The following CCBE1 variants were observed in gnomAD, a reference collection of about 807,000 sequenced individuals.
CCBE1 encodes the protein collagen and calcium binding EGF domains 1.
A neutral mutation model predicts 50.0 loss-of-function variants in CCBE1; 37 were observed. The ratio of observed to expected loss-of-function variants is 0.74; its 90% CI spans 0.57 to 0.97. The LOEUF is 0.97. Ranked by LOEUF, CCBE1 falls within the 50% of genes least tolerant of loss-of-function variation. The pLI, the probability that CCBE1 is intolerant of heterozygous loss-of-function variation, is 0.00. For synonymous variants in CCBE1, 234 were observed against 203.7 expected, an observed-to-expected ratio of 1.15 and a Z score of -1.27; for missense variants, 538 against 523.8, an observed-to-expected ratio of 1.03 and a Z score of -0.26.
chr18:59,517,191 T>C (rs1220660892), intron 2 of CCBE1, among the ~76,000 whole-genome samples: 2 of 152,220 alleles, frequency 1.3e-5, no homozygotes, highest in African/African-American at 4.8e-5. Context: ...AAAATGGGTG[T>C]AGACAACATT....
intron 2 of CCBE1, among the ~76,000 whole-genome samples, chr18:59,643,968 C>T (rs2054023199): frequency 6.6e-6 from 1 of 152,162 alleles, no homozygotes; most frequent in South Asian, 2.1e-4. Flanking sequence ...GGCCCTCTCC[C>T]CCACCTCTGG....
At chr18:59,477,967 A>G (rs1226160134) in intron 3 of CCBE1, among the ~76,000 whole-genome samples, 1 of 152,164 alleles carries the variant, frequency 6.6e-6, no homozygotes, top group East Asian at 1.9e-4. Flanking sequence ...TTCTGTGAAG[A>G]TATTTTTTAG....
chr18:59,566,886 T>G (rs929136030), intron 2 of CCBE1, among the ~76,000 whole-genome samples: 11 of 152,044 alleles, frequency 7.2e-5, no homozygotes, highest in Non-Finnish European at 1.5e-4. Flanking sequence ...GAAGACATTG[T>G]GAGAGAACGA....
intron 2 of CCBE1, among the ~76,000 whole-genome samples, chr18:59,562,273 A>T (rs763241489): frequency 1.3e-5 from 2 of 152,160 alleles, no homozygotes; most frequent in Non-Finnish European, 2.9e-5. Context: ...CCACAGAAAA[A>T]CCAATCCATT....
rs1367572715 is a variant in CCBE1, at chr18:59,432,498, A to G, written c.*3410T>C. 1.3e-5 allele frequency: 2 copies of G among 152,250 alleles called. No homozygotes were observed. Among genetic ancestry groups the G allele is most frequent in the Non-Finnish European group, 2.9e-5 (2 of 68,048 alleles). 9.4% of individuals were successfully genotyped at this position (152,250 alleles called of 1,614,324 possible). A position where few individuals can be genotyped will look rare whatever the true frequency, so the allele number is the denominator to read the frequency against. On this transcript the variant is annotated 3_prime_UTR_variant, in exon 11 of 11. Transcript: ENST00000439986. ...TTTTGAGCAGAAGTCCTGTTTAGACAGTAAAGCTTTTTCTATCTAGTTAAA... is the reference window on the plus strand; with the variant it reads ...TTTTGAGCAGAAGTCCTGTTTAGACGGTAAAGCTTTTTCTATCTAGTTAAA...
chr18:59,488,988 G>C (rs1375817186), intron 2 of CCBE1, among the ~76,000 whole-genome samples: 1 of 152,198 alleles, frequency 6.6e-6, no homozygotes, highest in Non-Finnish European at 1.5e-5. Flanking sequence ...GTGAAAAGCT[G>C]CCAGTCCTCA....
chr18:59,442,026 T>C (rs7229758), intron 7 of CCBE1, among the ~76,000 whole-genome samples: 125,440 of 152,188 alleles, frequency 0.82, 51,763 homozygotes, highest in South Asian at 0.91. Flanking sequence ...CCTTCCTAAT[T>C]GCCCCATAGT....
rs371145592 is a variant in CCBE1 at position 59,678,194 on chromosome 18, G to T, written c.212+18435C>A. Among the ~76,000 whole-genome samples, 119 of 152,218 alleles carry T rather than the reference G, an allele frequency of 7.8e-4. 5 individuals are homozygous for T. In the South Asian group the frequency reaches 0.024, roughly 30 times the overall value. Reference sequence around the variant, plus strand: ...GGGGGAGGACTCAAAAACTGAAAAAGTTAAAACATAAGTTTCTTACAGCGA... The same window carrying T: ...GGGGGAGGACTCAAAAACTGAAAAATTTAAAACATAAGTTTCTTACAGCGA... On this transcript the variant is annotated intron_variant, in intron 2 of 10. Coordinates refer to ENST00000439986, the MANE Select transcript of CCBE1 (RefSeq NM_133459.4).
chr18:59,504,880 G>A (rs1944295), intron 2 of CCBE1, among the ~76,000 whole-genome samples: 34,462 of 151,918 alleles, frequency 0.23, 4,048 homozygotes, highest in Non-Finnish European at 0.24. Context: ...TGCTTTCTGT[G>A]CCATTTGGCC....
At chr18:59,575,324 A>C (rs2052978303) in intron 2 of CCBE1, among the ~76,000 whole-genome samples, 1 of 152,198 alleles carries the variant, frequency 6.6e-6, no homozygotes, top group African/African-American at 2.4e-5. Flanking sequence ...GCAAGGAGGC[A>C]GACTGCACCA....
intron 2 of CCBE1, among the ~76,000 whole-genome samples, chr18:59,619,397 C>T (rs142271766): frequency 2.0e-5 from 3 of 152,332 alleles, no homozygotes; most frequent in East Asian, 3.9e-4. Flanking sequence ...GGCCACACTA[C>T]AACCTTGAAC....
At position 59,456,756 on chromosome 18, in the gene CCBE1, G is replaced by T. The variant is rs553602478; in HGVS notation, c.554-1805C>A. Among the ~76,000 whole-genome samples, 4 of 152,306 alleles carry T rather than the reference G, an allele frequency of 2.6e-5. 1 individual carries two copies. The South Asian group carries it at 8.3e-4, about 32-fold the overall frequency. On this transcript the variant is annotated intron_variant, in intron 5 of 10. Transcript: ENST00000439986. ...CAGGCAAAACTTCCTTACACAGCCC[G>T]ACTGCCCAGTCCTCTTCCTGGTGAC...
In CCBE1 at chr18:59,531,029, A is replaced by C. The variant is rs141232499; in HGVS notation, c.213-50791T>G. On this transcript the variant is annotated intron_variant, in intron 2 of 10. Coordinates refer to ENST00000439986, the MANE Select transcript of CCBE1 (RefSeq NM_133459.4). ...TCTAAGTGGTGGCCCTGAATTGAGG[A>C]GTTTAAACTTGCTAAAGTAAAATAC... Among the ~76,000 whole-genome samples, 137 of 144,440 alleles carry C rather than the reference A, an allele frequency of 9.5e-4. 4 individuals are homozygous for C. In the East Asian group the frequency reaches 0.025, roughly 27 times the overall value. The allele number at this position is 144,440 out of a possible 152,430, so 94.8% of individuals were successfully genotyped here.
At chr18:59,561,321 C>A (rs781386447) in intron 2 of CCBE1, among the ~76,000 whole-genome samples, 13 of 152,284 alleles carry the variant, frequency 8.5e-5, no homozygotes, top group Non-Finnish European at 1.5e-4. Context: ...CCTGCATGCC[C>A]AAAATTACGT....
chr18:59,504,314 C>T (rs891120526), intron 2 of CCBE1, among the ~76,000 whole-genome samples: 8 of 151,874 alleles, frequency 5.3e-5, no homozygotes, highest in Admixed American at 2.0e-4. Context: ...AGGTTTATTC[C>T]ACCCAAAAGT....
intron 2 of CCBE1, among the ~76,000 whole-genome samples, chr18:59,672,223 T>A (rs529262516): frequency 6.6e-6 from 1 of 152,042 alleles, no homozygotes; most frequent in African/African-American, 2.4e-5. Flanking sequence ...TCATGATCCA[T>A]GGGGTGGTGG....
intron 2 of CCBE1, among the ~76,000 whole-genome samples, chr18:59,496,076 A>AT (rs1285439095): frequency 6.6e-6 from 1 of 151,984 alleles, no homozygotes; most frequent in South Asian, 2.1e-4. Context: ...ACTTATCATA[A>AT]TTTTTTTTCC....
intron 2 of CCBE1, among the ~76,000 whole-genome samples, chr18:59,634,436 C>G (rs2053890929): frequency 6.6e-6 from 1 of 152,224 alleles, no homozygotes; most frequent in Non-Finnish European, 1.5e-5. Context: ...GAAGGCACTT[C>G]CAGGTATCTG....
chr18:59,696,059 C>T (rs1307698146), intron 2 of CCBE1, among the ~76,000 whole-genome samples: 1 of 152,178 alleles, frequency 6.6e-6, no homozygotes, highest in Non-Finnish European at 1.5e-5. Flanking sequence ...GCACCCGGGT[C>T]ACTCATTTAA....
Sources: gnomAD v4.1 joint callset for allele counts (sites outside exome capture counted in the v4.1 genomes callset) on GRCh38, gnomAD v4.1.1 for gene constraint, MANE v1.5 for transcripts, NCBI Gene and HGNC (gene_info 2026-07-23, HGNC 2026-07-21) for gene names.